Variants in STAG1 observed in about 807,000 individuals in gnomAD.
The protein encoded by STAG1 is cohesin subunit SA-1.
A neutral mutation model predicts 170.9 loss-of-function variants in STAG1; 26 were observed. That is an observed-to-expected ratio of 0.15 (90% confidence interval 0.11 to 0.21). The LOEUF (loss-of-function observed/expected upper bound fraction) is 0.21. Ranked by LOEUF, STAG1 falls within the 10% of genes least tolerant of loss-of-function variation. The pLI is 1.00. For missense variants in STAG1, 964 were observed against 1,509.5 expected, an observed-to-expected ratio of 0.64 and a Z score of 5.99; for synonymous variants, 514 against 497.7, an observed-to-expected ratio of 1.03 and a Z score of -0.44.
At chr3:136,740,303 AGAC>A (rs1268419958) in intron 1 of STAG1, among the ~76,000 whole-genome samples, 5 of 152,208 alleles carry the variant, frequency 3.3e-5, no homozygotes, top group Admixed American at 1.3e-4. Flanking sequence ...GTCAAGAAAT[AGAC>A]TACTACAAAA....
intron 1 of STAG1, among the ~76,000 whole-genome samples, chr3:136,648,854 C>T (rs920404713): frequency 4.6e-5 from 7 of 152,156 alleles, no homozygotes; most frequent in African/African-American, 1.7e-4. Flanking sequence ...TTCTTGCTTG[C>T]CGCAATTCAA....
intron 1 of STAG1, among the ~76,000 whole-genome samples, chr3:136,664,488 C>T (rs1320324600): frequency 6.6e-6 from 1 of 152,116 alleles, no homozygotes; most frequent in Non-Finnish European, 1.5e-5. Context: ...TACCTAGAAG[C>T]CTGCCACCTA....
chr3:136,598,898 T>C (rs570776649), intron 4 of STAG1, among the ~76,000 whole-genome samples: 1 of 152,312 alleles, frequency 6.6e-6, no homozygotes, highest in South Asian at 2.1e-4. Flanking sequence ...AGTTATACTA[T>C]ACTATTTACA....
At chr3:136,418,704 A>C (rs1170414145) in intron 20 of STAG1, among the ~76,000 whole-genome samples, 1 of 151,838 alleles carries the variant, frequency 6.6e-6, no homozygotes. Flanking sequence ...TGAAGTGGCA[A>C]GATCTTGGCT....
intron 1 of STAG1, among the ~76,000 whole-genome samples, chr3:136,702,117 GA>G (rs1559960285): frequency 5.3e-4 from 38 of 71,806 alleles, no homozygotes; most frequent in Non-Finnish European, 1.1e-3. Context: ...GAGAGAGAGA[GA>G]GAGACAGAGA....
chr3:136,493,178 C>T (rs2090153947), intron 9 of STAG1, among the ~76,000 whole-genome samples: 1 of 151,982 alleles, frequency 6.6e-6, no homozygotes, highest in African/African-American at 2.4e-5. Flanking sequence ...TTCGTCTCTA[C>T]TGAAAATACA....
At chr3:136,430,015 T>C (rs1436959044) in intron 16 of STAG1, 6 of 152,236 alleles carry the variant, frequency 3.9e-5, no homozygotes, top group Non-Finnish European at 7.3e-5. Flanking sequence ...AGGTTATTGG[T>C]AGGCTATAGT....
intron 6 of STAG1, among the ~76,000 whole-genome samples, chr3:136,524,389 C>G (rs966422950): frequency 6.6e-6 from 1 of 151,916 alleles, no homozygotes; most frequent in Non-Finnish European, 1.5e-5. Flanking sequence ...TGATTTGGCT[C>G]TCTGTTTGTC....
intron 4 of STAG1, among the ~76,000 whole-genome samples, chr3:136,595,095 T>C (rs1387247798): frequency 1.3e-5 from 2 of 152,168 alleles, no homozygotes; most frequent in Non-Finnish European, 1.5e-5. Flanking sequence ...ATAGTTGATA[T>C]CTAGGTGTAC....
chr3:136,688,683 C>T (rs557374994), intron 1 of STAG1, among the ~76,000 whole-genome samples: 35 of 152,318 alleles, frequency 2.3e-4, no homozygotes, highest in East Asian at 7.7e-4. Flanking sequence ...GGAGCCACCA[C>T]GCCTGGCCAA....
chr3:136,463,767 G>GTGTGTA (rs1375220735), intron 13 of STAG1, among the ~76,000 whole-genome samples: 2,823 of 58,622 alleles, frequency 0.048, 103 homozygotes, highest in African/African-American at 0.11. Context: ...GTGTGTGTGT[G>GTGTGTA]TATACACACA....
chr3:136,713,399 G>A (rs1241814917), intron 1 of STAG1, among the ~76,000 whole-genome samples: 3 of 151,410 alleles, frequency 2.0e-5, no homozygotes, highest in Admixed American at 6.6e-5. Flanking sequence ...TCTAACCAAC[G>A]TGGTAAAATC....
intron 12 of STAG1, among the ~76,000 whole-genome samples, chr3:136,471,947 C>A (rs2089638158): frequency 6.6e-6 from 1 of 152,170 alleles, no homozygotes; most frequent in Non-Finnish European, 1.5e-5. Context: ...AAGCGACCCT[C>A]CCACCTTAGC....
At chr3:136,639,544 T>C (rs754238144) in intron 1 of STAG1, among the ~76,000 whole-genome samples, 26 of 152,214 alleles carry the variant, frequency 1.7e-4, no homozygotes, top group Non-Finnish European at 2.9e-4. Flanking sequence ...TTAGTGGCTG[T>C]ACATAAGGAA....
chr3:136,689,295 T>TA (rs1180831386), intron 1 of STAG1, among the ~76,000 whole-genome samples: 1 of 152,212 alleles, frequency 6.6e-6, no homozygotes, highest in African/African-American at 2.4e-5. Context: ...GCTTATTACA[T>TA]AAATTACAAT....
chr3:136,425,789 AAAGT>A (rs2088103674), intron 16 of STAG1, among the ~76,000 whole-genome samples: 1 of 150,484 alleles, frequency 6.6e-6, no homozygotes, highest in Non-Finnish European at 1.5e-5. Flanking sequence ...AAAGTGCAAG[AAAGT>A]AATTAAAAAA....
chr3:136,734,581 T>C (rs1266628608), intron 1 of STAG1, among the ~76,000 whole-genome samples: 2 of 152,168 alleles, frequency 1.3e-5, no homozygotes, highest in African/African-American at 4.8e-5. Flanking sequence ...TATTGTTACG[T>C]GGGGCAGCAG....
At chr3:136,591,964 T>C (rs1225666891) in intron 4 of STAG1, among the ~76,000 whole-genome samples, 2 of 152,124 alleles carry the variant, frequency 1.3e-5, no homozygotes, top group African/African-American at 4.8e-5. Context: ...TAAGAAAGAA[T>C]ATTAGAAACA....
chr3:136,643,878 A>G (rs540618204), intron 1 of STAG1, among the ~76,000 whole-genome samples: 4 of 152,308 alleles, frequency 2.6e-5, no homozygotes, highest in Admixed American at 6.5e-5. Flanking sequence ...AAAGGTATAG[A>G]CAGTTTACAA....
Sources: gnomAD v4.1 joint callset for allele counts (sites outside exome capture counted in the v4.1 genomes callset) on GRCh38, gnomAD v4.1.1 for gene constraint, MANE v1.5 for transcripts, NCBI Gene and HGNC (gene_info 2026-07-23, HGNC 2026-07-21) for gene names.